The following PLCH1 variants were observed in gnomAD, a reference collection of about 807,000 sequenced individuals.
PLCH1 encodes phospholipase C eta 1, also known as 1-phosphatidylinositol 4,5-bisphosphate phosphodiesterase eta-1.
PLCH1 carries 60 observed loss-of-function variants against 126.7 expected under a neutral mutation model. The ratio of observed to expected loss-of-function variants is 0.47; its 90% CI spans 0.38 to 0.59. The LOEUF (loss-of-function observed/expected upper bound fraction) is 0.59, where lower values mean the gene tolerates loss of function less well. Ranked by LOEUF, PLCH1 falls within the 20% of genes least tolerant of loss-of-function variation. PLCH1 has a pLI of 0.00. For synonymous variants in PLCH1, 719 were observed against 734.9 expected (o/e 0.98, Z 0.35); for missense variants, 1,723 against 2,040.0 (o/e 0.84, Z 2.99).
At chr3:155,578,888 A>G (rs1332793897) in intron 6 of PLCH1, among the ~76,000 whole-genome samples, 2 of 152,178 alleles carry the variant, frequency 1.3e-5, no homozygotes, top group Non-Finnish European at 2.9e-5. Context: ...GAAGCAGACC[A>G]TACGACCCTC....
At chr3:155,561,781 C>A (rs1200764630) in intron 8 of PLCH1, among the ~76,000 whole-genome samples, 4 of 151,876 alleles carry the variant, frequency 2.6e-5, no homozygotes, top group African/African-American at 9.7e-5. Flanking sequence ...TTCTCCACAT[C>A]CTCTCCAGTA....
intron 1 of PLCH1, among the ~76,000 whole-genome samples, chr3:155,740,168 T>G (rs1274263383): frequency 6.6e-6 from 1 of 152,144 alleles, no homozygotes; most frequent in Non-Finnish European, 1.5e-5. Flanking sequence ...CCCAGCACTT[T>G]GGGAGGCCAA....
rs765443196 is a variant in PLCH1, at chr3:155,488,760, C to A, written c.2439G>T (p.Met813Ile). Residue 813 changes from methionine (M) to isoleucine (I), a missense_variant, in exon 20 of 23, where the codon ATG (methionine) becomes ATT (isoleucine). Around this residue, in one of 2 missense-constraint regions of PLCH1, gnomAD observed 776 missense variants for 1,062.9 expected, o/e 0.73. Transcript: ENST00000460012. ...GGAACCGAACCAAAGCTATTTCTGG[C>A]ATGTGTACTGTAAATGTCAGTGTTT... ...WEETLTFTVH[M>I]PEIALVRFLV... is the part of the protein sequence containing the mutation. 3 of 1,613,750 alleles carry A rather than the reference C, an allele frequency of 1.9e-6. No individual in the cohort carries two copies. Among genetic ancestry groups the A allele is most frequent in the Non-Finnish European group, 2.5e-6 (3 of 1,179,758 alleles).
In PLCH1 at chr3:155,676,548, C is replaced by G. The variant is rs566818670; in HGVS notation, c.79+27598G>C. 5.1e-5 allele frequency: 10 copies of G among 195,594 alleles called. No homozygotes were observed. In the South Asian group the frequency reaches 1.8e-3, roughly 35 times the overall value. 12.1% of individuals were successfully genotyped at this position (195,594 alleles called of 1,614,324 possible). ...AATACAGAAAATGAACATGCACACA[C>G]AGAGACACAGAAGCACACACACAGA... On this transcript the variant is annotated intron_variant, in intron 2 of 22. Coordinates refer to ENST00000460012, the MANE Select transcript of PLCH1 (RefSeq NM_014996.4).
At chr3:155,554,959 G>C (rs2108472107) in intron 8 of PLCH1, among the ~76,000 whole-genome samples, 1 of 152,300 alleles carries the variant, frequency 6.6e-6, no homozygotes, top group Admixed American at 6.5e-5. Flanking sequence ...CTCAGCTGGA[G>C]AAAGACAGTA....
intron 10 of PLCH1, among the ~76,000 whole-genome samples, chr3:155,529,086 AAT>A (rs1336296227): frequency 2.0e-5 from 3 of 152,248 alleles, no homozygotes; most frequent in Non-Finnish European, 4.4e-5. Flanking sequence ...ATGGCTAACT[AAT>A]TTAACTGTGG....
Position 155,568,264 on chromosome 3 carries a change from C to A in PLCH1, c.832G>T (p.Glu278Ter), listed in dbSNP as rs1277981421. The A allele has an allele frequency of 3.3e-6, 5 of 1,525,146 alleles. No homozygotes were observed. The highest frequency in any genetic ancestry group is 4.5e-6 in the Non-Finnish European group (5 of 1,101,202). 94.5% of individuals were successfully genotyped at this position (1,525,146 alleles called of 1,614,324 possible). Residue 278 changes from glutamate (E) to a stop codon, truncating the protein, a stop_gained, in exon 7 of 23, where the codon GAA becomes TAA. Coordinates refer to ENST00000460012, the MANE Select transcript of PLCH1 (RefSeq NM_014996.4). LOFTEE classifies it high-confidence loss of function. ...DIIKKFEVSE[E>*]NKVKNVLGIE... is the part of the protein sequence containing the mutation. ...CCAAGAACATTTTTCACCTTATTTT[C>A]TTCTGAAACTTCAAACTTCTTTATG...
chr3:155,523,175 A>G (rs1313270207), intron 11 of PLCH1, among the ~76,000 whole-genome samples: 2 of 151,826 alleles, frequency 1.3e-5, no homozygotes, highest in African/African-American at 2.4e-5. Context: ...ACGGGGTTTC[A>G]CCATGTTAGC....
chr3:155,649,731 C>G (rs1193546583), intron 2 of PLCH1, among the ~76,000 whole-genome samples: 1 of 152,168 alleles, frequency 6.6e-6, no homozygotes, highest in Non-Finnish European at 1.5e-5. Context: ...GTAATCCCAG[C>G]ACTTTGGGAG....
chr3:155,462,107 A>G (rs1303390564), intron 21 of PLCH1, among the ~76,000 whole-genome samples: 1 of 152,246 alleles, frequency 6.6e-6, no homozygotes, highest in Non-Finnish European at 1.5e-5. Context: ...AATTGCAACT[A>G]TGTTGATCCA....
At chr3:155,559,663 T>C (rs982793745) in intron 8 of PLCH1, among the ~76,000 whole-genome samples, 2 of 152,124 alleles carry the variant, frequency 1.3e-5, no homozygotes, top group Non-Finnish European at 2.9e-5. Flanking sequence ...TGGGAGCATA[T>C]AAAAAATTAC....
chr3:155,488,644 G>A lies in PLCH1; in HGVS notation c.2539+16C>T, dbSNP rs764736508. ...GGAATGGTCAGTCTAGAGAGAAAAG[G>A]CCAGCTCATACCTACCAGGCACTAA... On this transcript the variant is annotated intron_variant, in intron 20 of 22. Transcript: ENST00000460012. 6.2e-7 allele frequency: 1 copy of A among 1,600,968 alleles called. No individual in the cohort carries two copies. The highest frequency in any genetic ancestry group is 8.5e-7 in the Non-Finnish European group (1 of 1,175,000).
intron 2 of PLCH1, among the ~76,000 whole-genome samples, chr3:155,649,851 G>A (rs1003297269): frequency 3.3e-5 from 5 of 152,244 alleles, no homozygotes; most frequent in Admixed American, 2.6e-4. Flanking sequence ...GGTGATGGGC[G>A]CCTGCAGTCC....
intron 2 of PLCH1, among the ~76,000 whole-genome samples, chr3:155,654,578 C>G (rs1312294390): frequency 6.6e-6 from 1 of 152,184 alleles, no homozygotes; most frequent in Non-Finnish European, 1.5e-5. Flanking sequence ...CCACCATCAC[C>G]ATTTATCCTG....
chr3:155,504,433 C>T, intron 13 of PLCH1, 122 bp downstream of exon 13: 1 of 569,752 alleles, frequency 1.8e-6, no homozygotes, highest in Non-Finnish European at 3.1e-6. Context: ...CAATCTTTTC[C>T]TTTGCTGACG....
chr3:155,469,810 G>A (rs927626403), intron 21 of PLCH1, among the ~76,000 whole-genome samples: 143 of 152,132 alleles, frequency 9.4e-4, no homozygotes, highest in African/African-American at 3.3e-3. Flanking sequence ...CCCCCAGCAG[G>A]GGCACACTGA....
chr3:155,588,904 T>C (rs533657975), intron 4 of PLCH1, among the ~76,000 whole-genome samples: 6 of 152,204 alleles, frequency 3.9e-5, no homozygotes, highest in East Asian at 1.9e-4. Context: ...TAAGATTCCA[T>C]AAATGAAAAA....
downstream of PLCH1, among the ~76,000 whole-genome samples, chr3:155,475,955 CTCTT>C (rs940132766): frequency 5.9e-5 from 9 of 152,086 alleles, no homozygotes; most frequent in African/African-American, 1.2e-4. Flanking sequence ...CACTTCCAAA[CTCTT>C]TCTATGAAGC....
chr3:155,470,416 T>C (rs1465476763), intron 21 of PLCH1, among the ~76,000 whole-genome samples: 2 of 152,110 alleles, frequency 1.3e-5, no homozygotes, highest in African/African-American at 4.8e-5. Flanking sequence ...CCAAGAAATA[T>C]GGGACTATGT....
Sources: gnomAD v4.1 joint callset for allele counts (sites outside exome capture counted in the v4.1 genomes callset) on GRCh38, gnomAD v4.1.1 for gene constraint, gnomAD v4.1.1 regional missense constraint, MANE v1.5 for transcripts, NCBI Gene and HGNC (gene_info 2026-07-23, HGNC 2026-07-21) for gene names.